The following AGBL1 variants were observed in gnomAD, a reference collection of about 807,000 sequenced individuals.
The protein encoded by AGBL1 is cytosolic carboxypeptidase 4.
In AGBL1, 130 loss-of-function variants were observed where a neutral mutation model predicts 118.9. The observed-to-expected ratio is 1.09, with a 90% CI of 0.95 to 1.26. AGBL1 has a LOEUF of 1.26. AGBL1 is among the 50% of genes most tolerant of loss of function. The pLI is 0.00. For synonymous variants in AGBL1, 555 were observed against 478.9 expected (o/e 1.16, Z -2.08); for missense variants, 1,584 against 1,298.1 (o/e 1.22, Z -3.38).
At chr15:86,626,428 G>T (rs2447274) in intron 21 of AGBL1, among the ~76,000 whole-genome samples, 62,830 of 151,984 alleles carry the variant, frequency 0.41, 13,929 homozygotes, top group Middle Eastern at 0.56. Context: ...AACACAGCAC[G>T]TTCTCACTTT....
At chr15:86,741,931 T>C (rs1006018359) in intron 22 of AGBL1, among the ~76,000 whole-genome samples, 1 of 152,154 alleles carries the variant, frequency 6.6e-6, no homozygotes. Flanking sequence ...TTTTTCTCTA[T>C]TCCTCTTCAG....
chr15:86,094,775 C>A (rs1896247402), intron 1 of AGBL1, among the ~76,000 whole-genome samples: 1 of 152,306 alleles, frequency 6.6e-6, no homozygotes, highest in South Asian at 2.1e-4. Flanking sequence ...CTTCTGATAT[C>A]AAATGTGTGA....
At chr15:86,331,475 A>T (rs1288457579) in intron 17 of AGBL1, among the ~76,000 whole-genome samples, 1 of 152,144 alleles carries the variant, frequency 6.6e-6, no homozygotes, top group Non-Finnish European at 1.5e-5. Flanking sequence ...TGCTACAATG[A>T]TGAAAATCAC....
intron 2 of AGBL1, among the ~76,000 whole-genome samples, chr15:86,143,121 T>C (rs1415522100): frequency 6.6e-6 from 1 of 152,220 alleles, no homozygotes; most frequent in African/African-American, 2.4e-5. Context: ...AGACCAATAG[T>C]TCGTCATAGC....
At chr15:86,596,562 T>C (rs1459690643) in intron 21 of AGBL1, among the ~76,000 whole-genome samples, 3 of 152,182 alleles carry the variant, frequency 2.0e-5, no homozygotes, top group Admixed American at 6.5e-5. Context: ...TTTTCTGCAA[T>C]TCCTGGAAAA....
At chr15:86,574,739 A>G (rs1448003543) in intron 21 of AGBL1, among the ~76,000 whole-genome samples, 2 of 151,458 alleles carry the variant, frequency 1.3e-5, no homozygotes, top group African/African-American at 2.4e-5. Context: ...CACCACTCCT[A>G]GCTAATTTTT....
intron 22 of AGBL1, among the ~76,000 whole-genome samples, chr15:86,849,372 T>C (rs2079368285): frequency 6.6e-6 from 1 of 152,170 alleles, no homozygotes; most frequent in Non-Finnish European, 1.5e-5. Flanking sequence ...TAAGTAGCCA[T>C]TCCTTCTACT....
chr15:86,405,634 T>C (rs1019613983), intron 18 of AGBL1, among the ~76,000 whole-genome samples: 3 of 152,304 alleles, frequency 2.0e-5, no homozygotes, highest in Admixed American at 2.0e-4. Context: ...GTACAATGGC[T>C]AATACATTTT....
chr15:86,539,992 G>C (rs954138825), intron 19 of AGBL1, among the ~76,000 whole-genome samples: 1 of 152,140 alleles, frequency 6.6e-6, no homozygotes, highest in Non-Finnish European at 1.5e-5. Flanking sequence ...CATTGTCTCT[G>C]GGTTAGGGCA....
chr15:86,481,432 G>A (rs2082650453), intron 18 of AGBL1, among the ~76,000 whole-genome samples: 2 of 151,978 alleles, frequency 1.3e-5, no homozygotes, highest in African/African-American at 4.8e-5. Context: ...TGACCTTCTG[G>A]GAGCAGGACT....
rs536557576 is a variant in AGBL1 at position 86,522,838 on chromosome 15, T to C, written c.2584T>C (p.Leu862=). 1 of 1,613,850 alleles carries C rather than the reference T, an allele frequency of 6.2e-7. No individual in the cohort carries two copies. Among genetic ancestry groups the C allele is most frequent in the Non-Finnish European group, 8.5e-7 (1 of 1,179,758 alleles). Residue 862 remains leucine (L), a synonymous_variant, in exon 19 of 23, where the codon TTG becomes CTG. Transcript: ENST00000614907. ...NHRCSLSGED[L]NRQWLSPSAH... Reference sequence around the variant, plus strand: ...CAGATGCTCACTGAGCGGGGAAGATTTGAACAGACAATGGCTTTCTCCCAG... The same window carrying C: ...CAGATGCTCACTGAGCGGGGAAGATCTGAACAGACAATGGCTTTCTCCCAG...
At chr15:86,359,492 ATTTG>A in intron 17 of AGBL1, among the ~76,000 whole-genome samples, 2 of 137,116 alleles carry the variant, frequency 1.5e-5, no homozygotes. Context: ...CCAACTTTTC[ATTTG>A]TTTGTTTAAG....
intron 6 of AGBL1, among the ~76,000 whole-genome samples, chr15:86,229,060 A>G (rs2078412912): frequency 6.6e-6 from 1 of 152,174 alleles, no homozygotes; most frequent in Non-Finnish European, 1.5e-5. Flanking sequence ...TTTATGCTTT[A>G]TCCTATCCAA....
chr15:86,206,892 G>A (rs80144618), intron 5 of AGBL1, among the ~76,000 whole-genome samples: 65,292 of 151,956 alleles, frequency 0.43, 14,561 homozygotes, highest in South Asian at 0.67. Flanking sequence ...GTCTATGCCT[G>A]TGTCCTGATT....
chr15:86,634,431 C>T (rs528160547), intron 21 of AGBL1, among the ~76,000 whole-genome samples: 25 of 152,166 alleles, frequency 1.6e-4, no homozygotes, highest in South Asian at 6.2e-4. Flanking sequence ...AAAAACATTG[C>T]GCTAAGTGAA....
chr15:86,431,465 C>A (rs1465678389), intron 18 of AGBL1, among the ~76,000 whole-genome samples: 1 of 152,190 alleles, frequency 6.6e-6, no homozygotes, highest in Non-Finnish European at 1.5e-5. Flanking sequence ...GAGTAATTTG[C>A]AATAGGGCAA....
At chr15:86,709,711 G>A (rs1408652643) in intron 22 of AGBL1, among the ~76,000 whole-genome samples, 2 of 152,140 alleles carry the variant, frequency 1.3e-5, no homozygotes, top group African/African-American at 4.8e-5. Context: ...AGACAGCATG[G>A]TGTGATGGAA....
At position 86,993,482 on chromosome 15, in the gene AGBL1, G is replaced by T. The variant is rs148775387; in HGVS notation, c.3323+5394G>T. Among the ~76,000 whole-genome samples the T allele has an allele frequency of 2.0e-5, 3 of 152,206 alleles. No individual in the cohort carries two copies. The East Asian group carries it at 5.8e-4, about 29-fold the overall frequency. On this transcript the variant is annotated intron_variant, in intron 24 of 24. Transcript: ENST00000441037. The stretch of plus-strand genomic sequence containing the variant: ...CAAAGTTTCAAAAGCAAATATACCT[G>T]TTACTTCTGCTGTCACAAACATGAG...
At chr15:86,101,272 T>A (rs1327990164) in intron 1 of AGBL1, among the ~76,000 whole-genome samples, 1 of 152,156 alleles carries the variant, frequency 6.6e-6, no homozygotes, top group African/African-American at 2.4e-5. Flanking sequence ...GTTGTCGTCC[T>A]AACATTTGGT....
Sources: allele counts gnomAD v4.1 joint callset (sites outside exome capture counted in the v4.1 genomes callset), GRCh38; gene constraint gnomAD v4.1.1; transcripts MANE v1.5; gene names NCBI Gene and HGNC (gene_info 2026-07-23, HGNC 2026-07-21).